Variants in PNPLA1 observed in about 807,000 individuals in gnomAD.
The protein encoded by PNPLA1 is omega-hydroxyceramide transacylase.
A neutral mutation model predicts 51.7 loss-of-function variants in PNPLA1; 36 were observed. The ratio of observed to expected loss-of-function variants is 0.70; its 90% CI spans 0.53 to 0.92. The LOEUF is 0.92. Among genes scored for constraint, PNPLA1 ranks in the 40% least tolerant of loss-of-function variants. The probability of loss-of-function intolerance (pLI) is 0.00; values close to 1 mark genes in which losing one functional copy is unlikely to be tolerated. For missense variants in PNPLA1, 658 were observed against 682.5 expected, an observed-to-expected ratio of 0.96 and a Z score of 0.40; for synonymous variants, 293 against 280.1, an observed-to-expected ratio of 1.05 and a Z score of -0.46.
chr6:36,304,492 T>G (rs1251591071), intron 6 of PNPLA1, among the ~76,000 whole-genome samples: 1 of 151,916 alleles, frequency 6.6e-6, no homozygotes, highest in African/African-American at 2.4e-5. Flanking sequence ...CCGGGCATGG[T>G]GGCAAGTACC....
At position 36,311,947 on chromosome 6, in the gene PNPLA1, T is replaced by C. The variant is rs185694238; in HGVS notation, c.*61T>C. On this transcript the variant is annotated 3_prime_UTR_variant, in exon 9 of 9. Transcript: ENST00000636260. ...ATGCTGTGGTGACTCCTGGGTCTCA[T>C]TGATCCAGCTCCTTTTATTCTCCCA... The C allele has an allele frequency of 1.3e-5, 2 of 152,800 alleles. No homozygotes were observed. 9.5% of individuals were successfully genotyped at this position (152,800 alleles called of 1,614,324 possible). A position where few individuals can be genotyped will look rare whatever the true frequency, so the allele number is the denominator to read the frequency against.
In PNPLA1 at chr6:36,302,216, GCACAAGCCACCCAGCTC is replaced by G; in HGVS notation, c.1136_1152del (p.Lys379ThrfsTer111). 2 of 1,613,374 alleles carry G rather than the reference GCACAAGCCACCCAGCTC, an allele frequency of 1.2e-6. No individual in the cohort carries two copies. The highest frequency in any genetic ancestry group is 1.7e-6 in the Non-Finnish European group (2 of 1,179,750). On this transcript the variant is annotated frameshift_variant, in exon 6 of 9. Transcript: ENST00000636260. LOFTEE classifies it high-confidence loss of function. ...TGCCACCTGTATCATTCCCAGCTGT[GCACAAGCCACCCAGCTC>G]CACACCTGGTTCATCACTGCCCACC...
chr6:36,267,363 C>T (rs1769783920), upstream of PNPLA1, among the ~76,000 whole-genome samples: 1 of 152,220 alleles, frequency 6.6e-6, no homozygotes, highest in Non-Finnish European at 1.5e-5. Context: ...ACCAGTCTGC[C>T]AGGCTCAGCC....
At chr6:36,267,313 G>T (rs1462758213), upstream of PNPLA1, among the ~76,000 whole-genome samples, 1 of 152,224 alleles carries the variant, frequency 6.6e-6, no homozygotes, top group African/African-American at 2.4e-5. Flanking sequence ...CAGAGGACAG[G>T]CTGAGGCCTG....
At chr6:36,310,211 G>C (rs371390491) in intron 8 of PNPLA1, among the ~76,000 whole-genome samples, 2 of 152,312 alleles carry the variant, frequency 1.3e-5, no homozygotes, top group East Asian at 3.9e-4. Context: ...CTGCAGGCTG[G>C]GTTAAGTCTG....
chr6:36,301,981 C>T lies in PNPLA1; in HGVS notation c.896C>T (p.Ala299Val). The change falls in exon 6 of 9, where the codon GCA becomes GTA. Residue 299 changes from alanine to valine, a missense_variant. By Grantham distance (64) the Ala-to-Val change is moderately conservative (BLOSUM62 0). Transcript: ENST00000636260. Reference sequence around the variant, plus strand: ...GAACGCAGTCAACCAAGCCTTCGAGCACGGCAGGCCAGTCTGGAAGGAGCC... The same window carrying T: ...GAACGCAGTCAACCAAGCCTTCGAGTACGGCAGGCCAGTCTGGAAGGAGCC... Reference protein sequence around the residue: ...CPERSQPSLRARQASLEGATQ... With the variant: ...CPERSQPSLRVRQASLEGATQ... 3 of 1,614,216 alleles carry T rather than the reference C, an allele frequency of 1.9e-6. No individual in the cohort carries two copies. Among genetic ancestry groups the T allele is most frequent in the Non-Finnish European group, 2.5e-6 (3 of 1,180,038 alleles).
chr6:36,268,921 C>T (rs1457015346), upstream of PNPLA1, among the ~76,000 whole-genome samples: 1 of 152,190 alleles, frequency 6.6e-6, no homozygotes. Flanking sequence ...ACACCCGCCC[C>T]CACCCCAGCA....
intron 2 of PNPLA1, among the ~76,000 whole-genome samples, chr6:36,292,395 T>TCCCGGCCCTCTC (rs1324094990): frequency 6.6e-6 from 1 of 151,982 alleles, no homozygotes; most frequent in Non-Finnish European, 1.5e-5. Flanking sequence ...AGTTTTCTCT[T>TCCCGGCCCTCTC]CCCGGCCCTC....
At chr6:36,285,568 G>A (rs1770462696) in intron 1 of PNPLA1, among the ~76,000 whole-genome samples, 1 of 152,154 alleles carries the variant, frequency 6.6e-6, no homozygotes. Flanking sequence ...GGGTCATCTT[G>A]AATAGCGACT....
At chr6:36,251,812 G>A (rs1048117760) in intron 1 of PNPLA1, among the ~76,000 whole-genome samples, 5 of 152,072 alleles carry the variant, frequency 3.3e-5, no homozygotes, top group African/African-American at 9.7e-5. Context: ...AGGTGAGGTG[G>A]TGCAAGTCTG....
intron 1 of PNPLA1, among the ~76,000 whole-genome samples, chr6:36,246,263 G>A (rs1227504930): frequency 1.3e-5 from 2 of 151,852 alleles, no homozygotes; most frequent in East Asian, 1.9e-4. Flanking sequence ...GGAGTGCAGT[G>A]GTACAATCAC....
intron 6 of PNPLA1, 23 bp downstream of exon 6, chr6:36,302,492 A>G (rs1312375647): frequency 6.6e-7 from 1 of 1,515,388 alleles, no homozygotes; most frequent in Non-Finnish European, 8.8e-7. Context: ...CTGGCTTGTT[A>G]TGACTTTCTC....
intron 1 of PNPLA1, among the ~76,000 whole-genome samples, chr6:36,246,754 C>G (rs1769295669): frequency 6.6e-6 from 1 of 152,168 alleles, no homozygotes; most frequent in Non-Finnish European, 1.5e-5. Context: ...AAACAAGATC[C>G]TCCCAGGTGT....
chr6:36,265,268 G>T (rs1389167584), upstream of PNPLA1, among the ~76,000 whole-genome samples: 1 of 152,150 alleles, frequency 6.6e-6, no homozygotes, highest in Non-Finnish European at 1.5e-5. Flanking sequence ...TTGAACCTGG[G>T]ACGCGGTGGT....
intron 5 of PNPLA1, among the ~76,000 whole-genome samples, chr6:36,299,547 G>A (rs1406590301): frequency 6.6e-6 from 1 of 152,014 alleles, no homozygotes; most frequent in Non-Finnish European, 1.5e-5. Context: ...TGTTGGCCAG[G>A]ATGGTCTCGA....
At position 36,270,650 on chromosome 6, in the gene PNPLA1, G is replaced by A; in HGVS notation, c.191G>A (p.Cys64Tyr). Residue 64 changes from cysteine (C) to tyrosine (Y), a missense_variant, in exon 1 of 9, where the codon TGC becomes TAC. Physicochemically the swap from Cys to Tyr is radical, Grantham distance 194. Coordinates refer to ENST00000636260, the MANE Select transcript of PNPLA1 (RefSeq NM_001374623.1). Reference sequence around the variant, plus strand: ...GCTGTGATCGCCGCCCTGGCCATCTGCGGGATTGAAATGGGTGAGGCCTGT... The same window carrying A: ...GCTGTGATCGCCGCCCTGGCCATCTACGGGATTGAAATGGGTGAGGCCTGT... ...AGAVIAALAI[C>Y]GIEMDEYLRV... 4 of 1,551,062 alleles carry A rather than the reference G, an allele frequency of 2.6e-6. No homozygotes were observed. Among genetic ancestry groups the A allele is most frequent in the Non-Finnish European group, 3.5e-6 (4 of 1,146,986 alleles).
intron 1 of PNPLA1, among the ~76,000 whole-genome samples, chr6:36,278,894 C>G (rs893455488): frequency 6.6e-6 from 1 of 152,064 alleles, no homozygotes; most frequent in Non-Finnish European, 1.5e-5. Flanking sequence ...TGAAATTAAA[C>G]CATAGAAAAT....
chr6:36,268,729 G>A (rs1026236901), upstream of PNPLA1, among the ~76,000 whole-genome samples: 2 of 152,208 alleles, frequency 1.3e-5, no homozygotes, highest in Non-Finnish European at 2.9e-5. Flanking sequence ...ACATTTGCCT[G>A]TCTTGTTCCC....
Position 36,301,922 on chromosome 6 carries a change from C to T in PNPLA1, c.837C>T (p.Cys279=). The part of the protein sequence containing the change: ...RVIFPRVEVY[C]QIELALGNEC... Reference sequence around the variant, plus strand: ...TTTTCCCCCGGGTGGAAGTGTACTGCCAGATAGAACTCGCCCTTGGCAATG... The same window carrying T: ...TTTTCCCCCGGGTGGAAGTGTACTGTCAGATAGAACTCGCCCTTGGCAATG... Residue 279 remains cysteine (C), a synonymous_variant, in exon 6 of 9, where the codon TGC becomes TGT. Coordinates refer to ENST00000636260, the MANE Select transcript of PNPLA1 (RefSeq NM_001374623.1). 1.2e-6 allele frequency: 2 copies of T among 1,614,206 alleles called. No individual in the cohort carries two copies. The highest frequency in any genetic ancestry group is 2.2e-5 in the South Asian group (2 of 91,086).
Sources: allele counts gnomAD v4.1 joint callset (sites outside exome capture counted in the v4.1 genomes callset), GRCh38; gene constraint gnomAD v4.1.1; transcripts MANE v1.5; gene names NCBI Gene and HGNC (gene_info 2026-07-23, HGNC 2026-07-21).